The following NDRG2 variants were observed in gnomAD, a reference collection of about 807,000 sequenced individuals.
NDRG2 encodes NDRG family member 2.
A neutral mutation model predicts 58.2 loss-of-function variants in NDRG2; 34 were observed. That is an observed-to-expected ratio of 0.58 (90% CI 0.44 to 0.78). NDRG2 has a LOEUF of 0.78. Ranked by LOEUF, NDRG2 falls within the 30% of genes least tolerant of loss-of-function variation. NDRG2 has a pLI of 0.00. For synonymous variants in NDRG2, 187 were observed against 175.9 expected (o/e 1.06, Z -0.50); for missense variants, 434 against 471.2 (o/e 0.92, Z 0.73).
chr14:21,036,408 A>T (rs539227738), intron 1 of NDRG2: 1 of 367,672 alleles, frequency 2.7e-6, no homozygotes, highest in Non-Finnish European at 5.3e-6. Flanking sequence ...CATAAAATAC[A>T]CTATCACTAA....
At chr14:21,026,803 C>G (rs1369876224), upstream of NDRG2, among the ~76,000 whole-genome samples, 1 of 152,130 alleles carries the variant, frequency 6.6e-6, no homozygotes, top group Non-Finnish European at 1.5e-5. Context: ...GGCTCCTCTC[C>G]TAGTCCCCTC....
chr14:21,031,161 C>G (rs1456729933), intron 1 of NDRG2: 2 of 1,613,426 alleles, frequency 1.2e-6, no homozygotes, highest in East Asian at 2.2e-5. Flanking sequence ...ACCACTGGCG[C>G]TACTGTGAGT....
At chr14:21,019,802 G>A in intron 9 of NDRG2, 60 bp from the exon 10 acceptor site, 1 of 1,515,504 alleles carries the variant, frequency 6.6e-7, no homozygotes, top group Non-Finnish European at 9.1e-7. Flanking sequence ...AATTACTGGA[G>A]GAAAAGAGGT....
upstream of NDRG2, among the ~76,000 whole-genome samples, chr14:21,027,179 G>T (rs534072151): frequency 6.6e-6 from 1 of 152,294 alleles, no homozygotes; most frequent in African/African-American, 2.4e-5. Flanking sequence ...GCTGCAGGCA[G>T]AAGTAAGGCT....
chr14:21,047,966 C>A (rs1456359337), intron 1 of NDRG2, among the ~76,000 whole-genome samples: 1 of 152,144 alleles, frequency 6.6e-6, no homozygotes, highest in Non-Finnish European at 1.5e-5. Context: ...TGCCTACACC[C>A]TGCCCTTAAG....
intron 8 of NDRG2, 107 bp from the exon 9 acceptor site, chr14:21,020,083 C>T (rs536235600): frequency 2.3e-4 from 224 of 981,116 alleles, no homozygotes; most frequent in Non-Finnish European, 3.4e-4. Context: ...ATCACGAGGT[C>T]AGGAGTTCAA....
rs375907392 is a variant in NDRG2, at chr14:21,018,540, G to A, written c.814-36C>T. 1.1e-4 allele frequency: 179 copies of A among 1,608,886 alleles called. 2 individuals are homozygous for A. In the South Asian group the frequency reaches 1.7e-3, roughly 15 times the overall value. ...CAGGAGGCTGAATGAATGAGGTCAC[G>A]CCCACTGTGGCGCCTCCCCCGTAAG... On this transcript the variant is annotated intron_variant, in intron 12 of 15. Coordinates refer to ENST00000556147, the MANE Select transcript of NDRG2 (RefSeq NM_001320329.2).
At chr14:21,057,341 CAGG>C (rs1391259215) in intron 1 of NDRG2, among the ~76,000 whole-genome samples, 1 of 151,540 alleles carries the variant, frequency 6.6e-6, no homozygotes, top group East Asian at 1.9e-4. Flanking sequence ...GAGGCTGAGG[CAGG>C]AGAATTGCTT....
At chr14:21,060,052 A>G (rs1885879172) in intron 1 of NDRG2, among the ~76,000 whole-genome samples, 1 of 152,118 alleles carries the variant, frequency 6.6e-6, no homozygotes, top group African/African-American at 2.4e-5. Context: ...CTCACACTCA[A>G]CAAGACACCC....
intron 1 of NDRG2, among the ~76,000 whole-genome samples, chr14:21,058,694 T>C (rs1047258241): frequency 2.0e-5 from 3 of 152,106 alleles, no homozygotes; most frequent in Non-Finnish European, 2.9e-5. Context: ...CAAACGTAAA[T>C]AAGTCAGATC....
chr14:21,021,106 C>T, intron 6 of NDRG2: 1 of 626,246 alleles, frequency 1.6e-6, no homozygotes, highest in Non-Finnish European at 3.0e-6. Flanking sequence ...ATCCACCAGC[C>T]AACCAACACA....
intron 1 of NDRG2, chr14:21,031,037 T>A: frequency 6.2e-7 from 1 of 1,613,406 alleles, no homozygotes; most frequent in Non-Finnish European, 8.5e-7. Context: ...AACCATCACG[T>A]TTCAACAGTT....
intron 2 of NDRG2, 132 bp from the exon 3 acceptor site, chr14:21,023,037 G>A: frequency 8.8e-7 from 1 of 1,139,380 alleles, no homozygotes; most frequent in Admixed American, 2.0e-5. Flanking sequence ...GATTGACAAA[G>A]AGAGACACGG....
chr14:21,018,834 G>GAGAAGGCA lies in NDRG2; in HGVS notation c.762-28_762-21dup, dbSNP rs1566454814. On this transcript the variant is annotated intron_variant, in intron 11 of 15. Coordinates refer to ENST00000556147, the MANE Select transcript of NDRG2 (RefSeq NM_001320329.2). ...GGACACCTAAAGACACAGTGTTGGG[G>GAGAAGGCA]AGAAGGCAGTGAGCCCCTGGCACTC... The GAGAAGGCA allele has an allele frequency of 6.2e-7, 1 of 1,614,104 alleles. No homozygotes were observed. The highest frequency in any genetic ancestry group is 1.7e-5 in the Admixed American group (1 of 60,016).
intron 1 of NDRG2, among the ~76,000 whole-genome samples, chr14:21,056,591 G>A (rs1885685210): frequency 6.6e-6 from 1 of 152,206 alleles, no homozygotes; most frequent in South Asian, 2.1e-4. Context: ...TCTCTTAAAT[G>A]TTTTTAGAAG....
At chr14:21,018,577 C>T in intron 12 of NDRG2, 73 bp from the exon 13 acceptor site, 2 of 1,576,818 alleles carry the variant, frequency 1.3e-6, no homozygotes, top group African/African-American at 1.4e-5. Context: ...GACCCAGGAA[C>T]CCAGACCCCA....
At chr14:21,018,279 A>AC in intron 13 of NDRG2, 40 bp from the exon 14 acceptor site, 1 of 1,613,390 alleles carries the variant, frequency 6.2e-7, no homozygotes, top group Non-Finnish European at 8.5e-7. Context: ...TGAAACACAC[A>AC]TAAATGAGCC....
chr14:21,021,177 G>C, intron 6 of NDRG2: 1 of 490,572 alleles, frequency 2.0e-6, no homozygotes, highest in South Asian at 1.6e-5. Flanking sequence ...AGTTCAACTT[G>C]TTCTGCTTTA....
intron 1 of NDRG2, chr14:21,031,858 A>C (rs1248500343): frequency 6.2e-7 from 1 of 1,603,756 alleles, no homozygotes; most frequent in Non-Finnish European, 8.5e-7. Flanking sequence ...GCGTAAGGAA[A>C]GGAAGAGAGC....
Sources: gnomAD v4.1 joint callset for allele counts (sites outside exome capture counted in the v4.1 genomes callset) on GRCh38, gnomAD v4.1.1 for gene constraint, MANE v1.5 for transcripts, NCBI Gene and HGNC (gene_info 2026-07-23, HGNC 2026-07-21) for gene names.